LRRC4B: variants seen among roughly 807,000 people sequenced by gnomAD.
LRRC4B encodes leucine rich repeat containing 4B.
Under a neutral mutation model 7.3 loss-of-function variants are expected in LRRC4B, and 1 was observed. The observed-to-expected ratio is 0.14, with a 90% CI of 0.05 to 0.65. The LOEUF (loss-of-function observed/expected upper bound fraction) is 0.65. Among genes scored for constraint, LRRC4B ranks in the 30% least tolerant of loss-of-function variants. The probability of loss-of-function intolerance (pLI) is 0.84; values close to 1 mark genes in which losing one functional copy is unlikely to be tolerated. For synonymous variants in LRRC4B, 500 were observed against 499.2 expected, an observed-to-expected ratio of 1.00 and a Z score of -0.02; for missense variants, 730 against 1,041.6, an observed-to-expected ratio of 0.70 and a Z score of 4.12.
At chr19:50,547,550 G>A (rs928970328) in intron 2 of LRRC4B, among the ~76,000 whole-genome samples, 15 of 151,530 alleles carry the variant, frequency 9.9e-5, no homozygotes, top group African/African-American at 3.6e-4. Context: ...AGGCTTGCTT[G>A]GAGGCAGGAG....
At chr19:50,567,475 G>A in intron 1 of LRRC4B, among the ~76,000 whole-genome samples, 1 of 151,668 alleles carries the variant, frequency 6.6e-6, no homozygotes, top group Non-Finnish European at 1.5e-5. Context: ...GAAACCCCGT[G>A]CCCGCCTCTC....
chr19:50,551,525 C>T (rs1982066005), intron 1 of LRRC4B, among the ~76,000 whole-genome samples: 1 of 141,486 alleles, frequency 7.1e-6, no homozygotes, highest in Non-Finnish European at 1.6e-5. Flanking sequence ...GACCCCAGCC[C>T]CCTTAACTCT....
intron 1 of LRRC4B, among the ~76,000 whole-genome samples, chr19:50,552,129 CACAG>C (rs1182523240): frequency 2.0e-5 from 3 of 152,112 alleles, no homozygotes; most frequent in South Asian, 2.1e-4. Context: ...CCTCATGGCA[CACAG>C]ACAGCCTCGT....
intron 2 of LRRC4B, among the ~76,000 whole-genome samples, chr19:50,530,130 C>A (rs1176651274): frequency 2.0e-5 from 3 of 152,144 alleles, no homozygotes; most frequent in Non-Finnish European, 4.4e-5. Flanking sequence ...AGCCCAGCCC[C>A]GCCTCATCCT....
At chr19:50,538,218 A>G (rs978571544) in intron 2 of LRRC4B, among the ~76,000 whole-genome samples, 3 of 151,864 alleles carry the variant, frequency 2.0e-5, no homozygotes, top group South Asian at 4.2e-4. Flanking sequence ...ACGCACTACC[A>G]CTCCCAGATA....
At position 50,548,394 on chromosome 19, in the gene LRRC4B, C is replaced by G. The variant is rs1981902450; in HGVS notation, c.297+148G>C. The G allele has an allele frequency of 8.7e-7, 1 of 1,144,632 alleles. No individual in the cohort carries two copies. Among genetic ancestry groups the G allele is most frequent in the African/African-American group, 1.5e-5 (1 of 65,116 alleles). The allele number at this position is 1,144,632 out of a possible 1,614,324, so 70.9% of individuals were successfully genotyped here. A position where few individuals can be genotyped will look rare whatever the true frequency, so the allele number is the denominator to read the frequency against. On this transcript the variant is annotated intron_variant, in intron 2 of 2. Transcript: ENST00000652263. The surrounding 1 kb of genome is among the most constrained non-coding windows in gnomAD (Gnocchi z 6.8). ...CTCCACCTCGGGAGCCCGGCTCCAGCTGATAGGATGCAGACCCGCAGGCCA... is the reference window on the plus strand; with the variant it reads ...CTCCACCTCGGGAGCCCGGCTCCAGGTGATAGGATGCAGACCCGCAGGCCA...
intron 2 of LRRC4B, among the ~76,000 whole-genome samples, chr19:50,526,553 T>C (rs553271147): frequency 3.2e-4 from 48 of 152,200 alleles, no homozygotes; most frequent in African/African-American, 1.2e-3. Context: ...GTGAAAAGGA[T>C]AGACGAAGGA....
intron 2 of LRRC4B, among the ~76,000 whole-genome samples, chr19:50,545,817 G>A (rs1981779414): frequency 1.3e-5 from 2 of 149,856 alleles, no homozygotes; most frequent in African/African-American, 4.9e-5. Context: ...TCTGCCTCCT[G>A]GTCTCAAGCA....
chr19:50,565,533 G>A (rs963119253), intron 1 of LRRC4B, among the ~76,000 whole-genome samples: 1 of 72,144 alleles, frequency 1.4e-5, no homozygotes, highest in African/African-American at 4.8e-5. Context: ...TCTCGTGTGT[G>A]TGTGTGTGTG....
Position 50,543,335 on chromosome 19 carries a change from G to GGTGTGTGTGTGTGTGTGT in LRRC4B, c.297+5189_297+5206dup, listed in dbSNP as rs143123202. Among the ~76,000 whole-genome samples, 223 of 145,276 alleles carry GGTGTGTGTGTGTGTGTGT rather than the reference G, an allele frequency of 1.5e-3. 1 individual carries two copies. The highest frequency in any genetic ancestry group is 4.8e-3 in the African/African-American group (187 of 38,796). On this transcript the variant is annotated intron_variant, in intron 2 of 2. Transcript: ENST00000652263. ...TACCAATGCTCCAGTGCCAGGCCCT[G>GGTGTGTGTGTGTGTGTGT]GTGTGTGTGTGTGTGTGTGTGTGTG...
intron 2 of LRRC4B, among the ~76,000 whole-genome samples, chr19:50,531,719 G>GGCTTTGCT (rs1237008901): frequency 6.6e-6 from 1 of 152,140 alleles, no homozygotes; most frequent in Non-Finnish European, 1.5e-5. Flanking sequence ...TTTGAATCCT[G>GGCTTTGCT]GCTTTGCTGC....
rs150824386 is a variant in LRRC4B, at chr19:50,547,918, C to T, written c.297+624G>A. 5.9e-3 allele frequency among the ~76,000 whole-genome samples: 892 copies of T among 152,122 alleles called. 10 individuals carry two copies. The highest frequency in any genetic ancestry group is 0.02 in the African/African-American group (820 of 41,496). ...CGCCAAGCACCACAGCGTTCTCAGC[C>T]TCTCTGCTCTCCAATTCTCACACCA... On this transcript the variant is annotated intron_variant, in intron 2 of 2. Transcript: ENST00000652263.
At chr19:50,541,364 A>G (rs10426290) in intron 2 of LRRC4B, among the ~76,000 whole-genome samples, 5 of 98,742 alleles carry the variant, frequency 5.1e-5, no homozygotes, top group Non-Finnish European at 9.9e-5. Flanking sequence ...GCAAGACTCT[A>G]TCTCAAAAAA....
chr19:50,557,683 A>T (rs987240063), intron 1 of LRRC4B: 1 of 57,300 alleles, frequency 1.7e-5, no homozygotes, highest in Non-Finnish European at 3.3e-5. Context: ...GTTTCAGAAG[A>T]GGGCTGGGAG....
At chr19:50,526,537 C>T (rs1980814217) in intron 2 of LRRC4B, among the ~76,000 whole-genome samples, 2 of 152,270 alleles carry the variant, frequency 1.3e-5, no homozygotes, top group South Asian at 4.1e-4. Flanking sequence ...ACTCCACCGC[C>T]TCAGAGTGAA....
intron 2 of LRRC4B, among the ~76,000 whole-genome samples, chr19:50,525,859 C>T (rs1015584325): frequency 1.4e-4 from 21 of 152,090 alleles, no homozygotes; most frequent in African/African-American, 4.8e-4. Context: ...CCTCTCCCAC[C>T]AGGCCCTAGA....
At chr19:50,546,769 G>A (rs77182422) in intron 2 of LRRC4B, among the ~76,000 whole-genome samples, 117 of 152,320 alleles carry the variant, frequency 7.7e-4, no homozygotes, top group Non-Finnish European at 1.5e-3. Flanking sequence ...ACGGGTCCAG[G>A]TTCTACGACG....
In LRRC4B at chr19:50,553,871, C is replaced by T. The variant is rs895785871; in HGVS notation, c.-35-4998G>A. Among the ~76,000 whole-genome samples the T allele has an allele frequency of 1.3e-5, 2 of 152,008 alleles. No homozygotes were observed. On this transcript the variant is annotated intron_variant, in intron 1 of 2. Transcript: ENST00000652263. The surrounding 1 kb of genome is among the most constrained non-coding windows in gnomAD (Gnocchi z 4.2). ...CTCACACACAGATACCCCCACTCTC[C>T]GTTCTGCACACCGAGCCAGGCCGCA...
At position 50,517,672 on chromosome 19, in the gene LRRC4B, C is replaced by T. The variant is rs1221901844; in HGVS notation, c.2041G>A (p.Gly681Arg). 3 of 1,531,960 alleles carry T rather than the reference C, an allele frequency of 2.0e-6. No individual in the cohort carries two copies. Among genetic ancestry groups the T allele is most frequent in the Non-Finnish European group, 2.6e-6 (3 of 1,142,854 alleles). The allele number at this position is 1,531,960 out of a possible 1,614,324, so 94.9% of individuals were successfully genotyped here. The change falls in exon 3 of 3, where the codon GGG becomes AGG. Residue 681 changes from glycine (G) to arginine (R), a missense_variant. Physicochemically the swap from Gly to Arg is moderately radical, Grantham distance 125. Transcript: ENST00000652263. The surrounding 1 kb of genome is among the most constrained non-coding windows in gnomAD (Gnocchi z 6.6). ...GGCGGGCCTTTGCCCCCGCAGCCCCCGCCGCTGGGGTTGCTGCTGTAGTGC... is the reference window on the plus strand; with the variant it reads ...GGCGGGCCTTTGCCCCCGCAGCCCCTGCCGCTGGGGTTGCTGCTGTAGTGC... Reference protein sequence around the residue: ...KAHYSSNPSGGGCGGKGPPGL... With the variant: ...KAHYSSNPSGRGCGGKGPPGL...
Sources: gnomAD v4.1 joint callset for allele counts (sites outside exome capture counted in the v4.1 genomes callset) on GRCh38, gnomAD v4.1.1 for gene constraint, Gnocchi (gnomAD v3.1) non-coding constraint, MANE v1.5 for transcripts, NCBI Gene and HGNC (gene_info 2026-07-23, HGNC 2026-07-21) for gene names.